ARLN: variants seen among roughly 807,000 people sequenced by gnomAD.
The protein encoded by ARLN is sarcoplasmic/endoplasmic reticulum calcium ATPase regulator ARLN.
the ARLN span, chr4:119,296,593 CAGG>C: frequency 6.6e-6 from 1 of 152,160 alleles, no homozygotes; most frequent in Non-Finnish European, 1.5e-5. Flanking sequence ...GCCAGAGAAT[CAGG>C]AGAACCAATG....
chr4:119,299,206 C>T, the ARLN span, among the ~76,000 whole-genome samples: 3 of 152,308 alleles, frequency 2.0e-5, no homozygotes, highest in Non-Finnish European at 2.9e-5. Context: ...CCTATTTCAG[C>T]TTCCCAAGTA....
At chr4:119,300,248 C>T in the ARLN span, 1 of 1,078,998 alleles carries the variant, frequency 9.3e-7, no homozygotes, top group Non-Finnish European at 1.4e-6. Flanking sequence ...TATATAAACT[C>T]TCTGGAATTC....
chr4:119,302,864 G>A, the ARLN span, among the ~76,000 whole-genome samples: 1 of 152,174 alleles, frequency 6.6e-6, no homozygotes, highest in Non-Finnish European at 1.5e-5. Flanking sequence ...AACTTCAAGT[G>A]CAATAAGTTT....
chr4:119,298,861 A>T, the ARLN span: 1 of 712,082 alleles, frequency 1.4e-6, no homozygotes, highest in Non-Finnish European at 2.6e-6. Context: ...CATATTGATA[A>T]AAAGAAAAGC....
the ARLN span, among the ~76,000 whole-genome samples, chr4:119,301,768 T>C: frequency 1.3e-5 from 2 of 152,174 alleles, no homozygotes; most frequent in Non-Finnish European, 2.9e-5. Flanking sequence ...GAGTGAATTG[T>C]CTAAGGTTAC....
chr4:119,298,724 C>T, the ARLN span: 1 of 761,956 alleles, frequency 1.3e-6, no homozygotes, highest in Non-Finnish European at 2.4e-6. Flanking sequence ...AGTTTGTAGC[C>T]ATTTTCAGAA....
chr4:119,298,713 A>G, the ARLN span: 1 of 755,640 alleles, frequency 1.3e-6, no homozygotes, highest in Non-Finnish European at 2.4e-6. Context: ...TTTATTCAAG[A>G]AGTTTGTAGC....
chr4:119,299,681 T>G, the ARLN span, among the ~76,000 whole-genome samples: 1 of 152,178 alleles, frequency 6.6e-6, no homozygotes, highest in African/African-American at 2.4e-5. Flanking sequence ...CTACAGAATT[T>G]TGTAACTTGG....
At chr4:119,302,805 C>T in the ARLN span, among the ~76,000 whole-genome samples, 1 of 152,168 alleles carries the variant, frequency 6.6e-6, no homozygotes, top group South Asian at 2.1e-4. Context: ...CTATAACCAT[C>T]AGGCCAAAGA....
the ARLN span, chr4:119,300,534 A>G: frequency 1.9e-6 from 3 of 1,613,936 alleles, no homozygotes; most frequent in Admixed American, 1.7e-5. Context: ...GTCCACCTCC[A>G]TCTCGCTCCT....
At chr4:119,300,390 CAG>C in the ARLN span, 1 of 1,613,644 alleles carries the variant, frequency 6.2e-7, no homozygotes, top group Non-Finnish European at 8.5e-7. Context: ...GATGAAAAGC[CAG>C]AGGTCCAACC....
the ARLN span, chr4:119,304,372 CT>C: frequency 6.5e-7 from 1 of 1,536,786 alleles, no homozygotes; most frequent in Non-Finnish European, 8.7e-7. Flanking sequence ...TTTTGCCTTC[CT>C]TTGGCACCTA....
the ARLN span, chr4:119,297,907 T>C: frequency 6.6e-6 from 1 of 152,664 alleles, no homozygotes; most frequent in East Asian, 1.9e-4. Flanking sequence ...GTAAGCTCCA[T>C]GAAGGCAAGA....
chr4:119,297,490 T>TA, the ARLN span: 1 of 152,254 alleles, frequency 6.6e-6, no homozygotes, highest in Non-Finnish European at 1.5e-5. Flanking sequence ...TTGCCCACGT[T>TA]AGAGTGCAGT....
At chr4:119,302,554 A>T in the ARLN span, among the ~76,000 whole-genome samples, 1 of 152,216 alleles carries the variant, frequency 6.6e-6, no homozygotes, top group African/African-American at 2.4e-5. Context: ...ATTTGCCATT[A>T]TCAAAGCAAT....
At chr4:119,303,559 TG>T in the ARLN span, among the ~76,000 whole-genome samples, 1 of 152,202 alleles carries the variant, frequency 6.6e-6, no homozygotes, top group South Asian at 2.1e-4. Flanking sequence ...CTTACTCCTT[TG>T]TATATCTTCA....
the ARLN span, chr4:119,300,703 C>G: frequency 6.5e-7 from 1 of 1,529,164 alleles, no homozygotes; most frequent in Non-Finnish European, 8.8e-7. Flanking sequence ...GCGCAGGCGC[C>G]TGGCTCGGCT....
the ARLN span, chr4:119,304,331 G>A: frequency 6.5e-7 from 1 of 1,536,954 alleles, no homozygotes; most frequent in Non-Finnish European, 8.7e-7. Flanking sequence ...TCAAGATCAA[G>A]GCAGTGAATG....
the ARLN span, among the ~76,000 whole-genome samples, chr4:119,303,897 G>A: frequency 2.0e-5 from 3 of 152,174 alleles, no homozygotes; most frequent in Non-Finnish European, 4.4e-5. Flanking sequence ...AACAAAGAAA[G>A]AGTTGTACTA....
Sources: allele counts gnomAD v4.1 joint callset (sites outside exome capture counted in the v4.1 genomes callset), GRCh38; gene constraint gnomAD v4.1.1; transcripts MANE v1.5; gene names NCBI Gene and HGNC (gene_info 2026-07-23, HGNC 2026-07-21).